The following BCAR1 variants were observed in gnomAD, a reference collection of about 807,000 sequenced individuals.
BCAR1 encodes BCAR1 scaffold protein, Cas family member.
A neutral mutation model predicts 67.6 loss-of-function variants in BCAR1; 30 were observed. The observed-to-expected ratio is 0.44, with a 90% CI of 0.33 to 0.60. The LOEUF (loss-of-function observed/expected upper bound fraction) is 0.60, where lower values mean the gene tolerates loss of function less well. BCAR1 is among the 20% of genes least tolerant of loss of function. The pLI is 0.02. For synonymous variants in BCAR1, 626 were observed against 556.7 expected (o/e 1.12, Z -1.75); for missense variants, 1,313 against 1,222.3 (o/e 1.07, Z -1.11).
intron 1 of BCAR1, chr16:75,264,352 G>A (rs190284836): frequency 1.4e-5 from 21 of 1,520,698 alleles, no homozygotes; most frequent in South Asian, 7.3e-5. Context: ...CTGGGATACC[G>A]GCCCTCCAGC....
upstream of BCAR1, chr16:75,252,224 G>T (rs1240932827): frequency 1.3e-6 from 2 of 1,536,650 alleles, no homozygotes; most frequent in Admixed American, 2.0e-5. Context: ...CTTTTCACGG[G>T]CAGCACCTAC....
At position 75,235,905 on chromosome 16, in the gene BCAR1, CG is replaced by C; in HGVS notation, c.993del (p.Ala332ProfsTer139). 1.9e-6 allele frequency: 3 copies of C among 1,564,552 alleles called. No homozygotes were observed. The highest frequency in any genetic ancestry group is 1.9e-5 in the Admixed American group (1 of 52,612). Reference sequence around the variant, plus strand: ...TCAAAGGGCTTGGCCTTGGCGAAGGCGGGGGGCACATCGTAGGTCTCCTCAC... The same window carrying C: ...TCAAAGGGCTTGGCCTTGGCGAAGGCGGGGGCACATCGTAGGTCTCCTCAC... The part of the protein sequence containing the change: ...LLREETYDVP[P>X]AFAKAKPFDP... On this transcript the variant is annotated frameshift_variant, in exon 5 of 7. Coordinates refer to ENST00000162330, the MANE Select transcript of BCAR1 (RefSeq NM_014567.5). LOFTEE classifies it high-confidence loss of function.
chr16:75,242,773 C>T lies in BCAR1; in HGVS notation c.330G>A (p.Gln110=), dbSNP rs1171345190. The change falls in exon 2 of 7, where the codon CAG becomes CAA. Residue 110 remains glutamine (Q), a synonymous_variant. Coordinates refer to ENST00000162330, the MANE Select transcript of BCAR1 (RefSeq NM_014567.5). The part of the protein sequence containing the change: ...TPMLPNTYQP[Q]PDSVYLVPTP... ...TGGGCACCAGGTAGACGCTGTCTGG[C>T]TGGGGCTGGTAGGTGTTGGGGAGCA... 3 of 1,597,440 alleles carry T rather than the reference C, an allele frequency of 1.9e-6. No homozygotes were observed. Among genetic ancestry groups the T allele is most frequent in the East Asian group, 2.2e-5 (1 of 44,676 alleles).
At chr16:75,263,998 T>C in intron 1 of BCAR1, 3 of 1,196,804 alleles carry the variant, frequency 2.5e-6, no homozygotes, top group Non-Finnish European at 3.1e-6. Flanking sequence ...CAAAGACCTC[T>C]GCCCACCCCC....
At chr16:75,251,089 G>A (rs1030701322) in intron 1 of BCAR1, 4 of 638,116 alleles carry the variant, frequency 6.3e-6, no homozygotes, top group Non-Finnish European at 7.9e-6. Context: ...CCACCCGCCA[G>A]AGGCTCAACG....
At chr16:75,248,318 G>T in intron 1 of BCAR1, 1 of 1,369,944 alleles carries the variant, frequency 7.3e-7, no homozygotes. Context: ...CAGGCACTTG[G>T]GAAACACTGA....
chr16:75,248,348 C>T (rs1479940919), intron 1 of BCAR1: 19 of 1,335,212 alleles, frequency 1.4e-5, no homozygotes, highest in East Asian at 3.1e-5. Context: ...TACCCAGAAC[C>T]ATCACAAACT....
At chr16:75,243,227 T>C (rs111790918) in intron 1 of BCAR1, 137 bp from the exon 2 acceptor site, 9 of 936,864 alleles carry the variant, frequency 9.6e-6, no homozygotes, top group Non-Finnish European at 1.4e-5. Flanking sequence ...GGCGAGATCA[T>C]TGTGCCTTTG....
At chr16:75,248,186 C>T (rs1597250483) in intron 1 of BCAR1, 21 of 1,569,886 alleles carry the variant, frequency 1.3e-5, no homozygotes, top group South Asian at 1.2e-4. Flanking sequence ...TTATCTCCAC[C>T]GAGGGGTGAC....
intron 1 of BCAR1, among the ~76,000 whole-genome samples, chr16:75,261,524 C>T (rs1441079247): frequency 1.3e-5 from 2 of 152,282 alleles, no homozygotes; most frequent in East Asian, 3.8e-4. Flanking sequence ...TGCACCACTG[C>T]AGCGGCTCCC....
upstream of BCAR1, among the ~76,000 whole-genome samples, chr16:75,255,782 A>T (rs565688458): frequency 6.6e-6 from 1 of 152,288 alleles, no homozygotes; most frequent in East Asian, 1.9e-4. Context: ...ATCTGAGGTC[A>T]AGAGTTCAAG....
In BCAR1 at chr16:75,234,924, C is replaced by A. The variant is rs2077045595; in HGVS notation, c.1975G>T (p.Gly659Cys). Residue 659 changes from glycine (G) to cysteine (C), a missense_variant, in exon 5 of 7, where the codon GGC becomes TGC. Coordinates refer to ENST00000162330, the MANE Select transcript of BCAR1 (RefSeq NM_014567.5). ...ACGTAGTCATAGTCCTCCATCCAGCCCCCCTCGCTGTTCTCGTACTGCCCA... is the reference window on the plus strand; with the variant it reads ...ACGTAGTCATAGTCCTCCATCCAGCACCCCTCGCTGTTCTCGTACTGCCCA... ...PDGQYENSEG[G>C]WMEDYDYVHL... is the part of the protein sequence containing the mutation. The A allele has an allele frequency of 1.9e-6, 3 of 1,554,902 alleles. No homozygotes were observed. The highest frequency in any genetic ancestry group is 2.6e-6 in the Non-Finnish European group (3 of 1,145,490).
intron 6 of BCAR1, 106 bp from the exon 7 acceptor site, chr16:75,230,129 T>G (rs890363236): frequency 7.3e-6 from 10 of 1,372,004 alleles, no homozygotes; most frequent in Non-Finnish European, 9.8e-6. Context: ...GGGCCGCTAC[T>G]CAGAGTGCAT....
intron 1 of BCAR1, among the ~76,000 whole-genome samples, chr16:75,257,981 T>C (rs913651775): frequency 6.6e-5 from 10 of 152,198 alleles, no homozygotes; most frequent in African/African-American, 2.4e-4. Flanking sequence ...AGTTTGCCCA[T>C]CTGTTAAATG....
Position 75,235,263 on chromosome 16 carries a change from G to T in BCAR1, c.1636C>A (p.Gln546Lys). ...ALHAKLSRQL[Q>K]KMEDVHQTLV... The stretch of plus-strand genomic sequence containing the variant: ...GTCTGGTGCACGTCCTCCATCTTCT[G>T]CAGCTGCCGGCTAAGCTTGGCATGC... The change falls in exon 5 of 7, where the codon CAG becomes AAG. Residue 546 changes from glutamine to lysine, a missense_variant. Gln to Lys is a moderately conservative substitution (Grantham distance 53, BLOSUM62 1). Coordinates refer to ENST00000162330, the MANE Select transcript of BCAR1 (RefSeq NM_014567.5). The T allele has an allele frequency of 6.2e-7, 1 of 1,606,224 alleles. No individual in the cohort carries two copies.
rs757527015 is a variant in BCAR1, at chr16:75,229,819, C to T, written c.2305G>A (p.Val769Met). Residue 769 changes from valine (V) to methionine (M), a missense_variant, in exon 7 of 7, where the codon GTG becomes ATG. Physicochemically the swap from Val to Met is conservative, Grantham distance 21 (BLOSUM62 1). Coordinates refer to ENST00000162330, the MANE Select transcript of BCAR1 (RefSeq NM_014567.5). ...TNAVDAFFTAVATNQPPKIFV... is the reference protein window; with the variant it reads ...TNAVDAFFTAMATNQPPKIFV... ...ATCTTGGGCGGCTGGTTGGTGGCCA[C>T]GGCGGTAAAGAAGGCGTCCACGGCG... 6.8e-6 allele frequency: 11 copies of T among 1,613,362 alleles called. No individual in the cohort carries two copies. The highest frequency in any genetic ancestry group is 1.3e-5 in the African/African-American group (1 of 74,930).
In BCAR1 at chr16:75,241,078, G is replaced by C. The variant is rs144843328; in HGVS notation, c.633+1392C>G. ...GTGGACTGTGTGTGCGTGTGCATAC[G>C]CACATACATTTGTACGTTTGTGGGA... is the stretch of plus-strand genomic sequence containing the variant. On this transcript the variant is annotated intron_variant, in intron 2 of 6. Transcript: ENST00000162330. Among the ~76,000 whole-genome samples the C allele has an allele frequency of 1.1e-3, 163 of 152,338 alleles. 1 individual carries two copies. The highest frequency in any genetic ancestry group is 3.5e-3 in the African/African-American group (145 of 41,582).
chr16:75,238,402 C>A, intron 2 of BCAR1: 2 of 1,068,700 alleles, frequency 1.9e-6, no homozygotes, highest in African/African-American at 1.7e-5. Flanking sequence ...TGACTCAGGG[C>A]CTCCCCGCAC....
At chr16:75,237,602 C>T (rs756905807) in intron 2 of BCAR1, among the ~76,000 whole-genome samples, 10 of 152,228 alleles carry the variant, frequency 6.6e-5, no homozygotes, top group Non-Finnish European at 1.0e-4. Context: ...AACGTCTCTA[C>T]AGCCTGCTGA....
Sources: allele counts gnomAD v4.1 joint callset (sites outside exome capture counted in the v4.1 genomes callset), GRCh38; gene constraint gnomAD v4.1.1; transcripts MANE v1.5; gene names NCBI Gene and HGNC (gene_info 2026-07-23, HGNC 2026-07-21).